SEL1L: variants seen among roughly 807,000 people sequenced by gnomAD.
The protein encoded by SEL1L is SEL1L adaptor subunit of SYVN1 ubiquitin ligase.
A neutral mutation model predicts 109.8 loss-of-function variants in SEL1L; 52 were observed. That is an observed-to-expected ratio of 0.47 (90% CI 0.38 to 0.60). The LOEUF (loss-of-function observed/expected upper bound fraction) is 0.60. Among genes scored for constraint, SEL1L ranks in the 20% least tolerant of loss-of-function variants. The pLI, the probability that SEL1L is intolerant of heterozygous loss-of-function variation, is 0.00. For synonymous variants in SEL1L, 373 were observed against 339.6 expected (o/e 1.10, Z -1.08); for missense variants, 749 against 962.2 (o/e 0.78, Z 2.93).
intron 19 of SEL1L, among the ~76,000 whole-genome samples, chr14:81,482,795 T>G (rs1903399757): frequency 6.6e-6 from 1 of 152,214 alleles, no homozygotes; most frequent in South Asian, 2.1e-4. Context: ...GCAGCAGCAT[T>G]TTGTCAAGAA....
intron 6 of SEL1L, among the ~76,000 whole-genome samples, chr14:81,502,516 A>G (rs939490172): frequency 1.3e-5 from 2 of 152,208 alleles, no homozygotes; most frequent in Admixed American, 6.5e-5. Context: ...GCAAGGCACA[A>G]CTGCAAAAAT....
intron 3 of SEL1L, among the ~76,000 whole-genome samples, chr14:81,522,136 G>T (rs1884930992): frequency 6.6e-6 from 1 of 152,062 alleles, no homozygotes; most frequent in Admixed American, 6.5e-5. Context: ...CTACAAAATA[G>T]TTGAAAAGCT....
chr14:81,481,437 G>A (rs1903352709), intron 19 of SEL1L, among the ~76,000 whole-genome samples: 1 of 152,154 alleles, frequency 6.6e-6, no homozygotes, highest in Non-Finnish European at 1.5e-5. Context: ...CTAACAGTAT[G>A]GTTAGTGTCT....
chr14:81,522,295 A>G (rs1365344860), intron 3 of SEL1L, among the ~76,000 whole-genome samples: 1 of 152,198 alleles, frequency 6.6e-6, no homozygotes, highest in Non-Finnish European at 1.5e-5. Flanking sequence ...CCAGGCCTTC[A>G]CATTCACTCA....
chr14:81,515,481 A>C (rs976186816), intron 3 of SEL1L, among the ~76,000 whole-genome samples: 1 of 152,228 alleles, frequency 6.6e-6, no homozygotes, highest in African/African-American at 2.4e-5. Flanking sequence ...AGAAAGGGAC[A>C]AATTCCCTAC....
At position 81,492,692 on chromosome 14, in the gene SEL1L, T is replaced by A. The variant is rs184096864; in HGVS notation, c.1186-144A>T. The A allele has an allele frequency of 2.6e-3, 1,528 of 577,030 alleles. 14 individuals carry two copies. The highest frequency in any genetic ancestry group is 6.8e-3 in the Middle Eastern group (14 of 2,054). 35.7% of individuals were successfully genotyped at this position (577,030 alleles called of 1,614,324 possible). The stretch of plus-strand genomic sequence containing the variant: ...AACAAGAATACCCAGTTGCCAATAT[T>A]TTGAAAGAGAAATCAGTACATCTAG... On this transcript the variant is annotated intron_variant, in intron 11 of 20. Coordinates refer to ENST00000336735, the MANE Select transcript of SEL1L (RefSeq NM_005065.6).
At chr14:81,505,470 G>A (rs1184316453) in intron 4 of SEL1L, among the ~76,000 whole-genome samples, 1 of 152,116 alleles carries the variant, frequency 6.6e-6, no homozygotes, top group Non-Finnish European at 1.5e-5. Context: ...GACTATATTT[G>A]ATGTGCTCTT....
At chr14:81,496,669 A>C (rs1883764592) in intron 10 of SEL1L, among the ~76,000 whole-genome samples, 1 of 152,210 alleles carries the variant, frequency 6.6e-6, no homozygotes, top group African/African-American at 2.4e-5. Context: ...GAACCCGGGA[A>C]GCGGAGGTTG....
intron 1 of SEL1L, among the ~76,000 whole-genome samples, chr14:81,528,712 T>C (rs1219531154): frequency 6.6e-6 from 1 of 152,192 alleles, no homozygotes. Context: ...ATAAGCTGTA[T>C]GAGAAATTAA....
Position 81,487,881 on chromosome 14 carries a change from T to C in SEL1L, c.1457A>G (p.Gln486Arg). ...ATAGTACATGGAACCAAGCTGTAGC[T>C]GCCCATCCACCCAGCCTTGTTCAGC... ...KAAEQGWVDGQLQLGSMYYNG... is the reference protein window; with the variant it reads ...KAAEQGWVDGRLQLGSMYYNG... Residue 486 changes from glutamine (Q) to arginine (R), a missense_variant, in exon 15 of 21, where the codon CAG (glutamine) becomes CGG (arginine). Physicochemically the swap from Gln to Arg is conservative, Grantham distance 43 (BLOSUM62 1). This residue lies in a region of SEL1L where 383 missense variants were observed against 562.5 expected (regional missense o/e 0.68). Transcript: ENST00000336735. 6.2e-7 allele frequency: 1 copy of C among 1,614,026 alleles called. No homozygotes were observed. The highest frequency in any genetic ancestry group is 8.5e-7 in the Non-Finnish European group (1 of 1,179,942).
Position 81,488,915 on chromosome 14 carries a change from T to C in SEL1L, c.1395+337A>G, listed in dbSNP as rs1324953032. 5 of 284,484 alleles carry C rather than the reference T, an allele frequency of 1.8e-5. No homozygotes were observed. In the South Asian group the frequency reaches 1.8e-4, roughly 10 times the overall value. 17.6% of individuals were successfully genotyped at this position (284,484 alleles called of 1,614,324 possible). On this transcript the variant is annotated intron_variant, in intron 14 of 20. Transcript: ENST00000336735. ...CCTCCTCCTCAATGGAAGGCAGTTA[T>C]GCATTTTGTCAGGATTGAGTAAAAA...
chr14:81,519,042 T>C (rs1884813882), intron 3 of SEL1L, among the ~76,000 whole-genome samples: 1 of 152,196 alleles, frequency 6.6e-6, no homozygotes. Flanking sequence ...ACCCAAACTG[T>C]ACAATGTTGA....
intron 6 of SEL1L, 144 bp from the exon 7 acceptor site, chr14:81,499,806 T>C: frequency 1.9e-6 from 1 of 520,970 alleles, no homozygotes; most frequent in East Asian, 3.2e-5. Flanking sequence ...TGTACAAACA[T>C]GGATTAAAGA....
At position 81,521,713 on chromosome 14, in the gene SEL1L, T is replaced by C. The variant is rs149670870; in HGVS notation, c.340+5020A>G. ...ATTACGTACGGTACATAACACTTGATAGTGATAACAAACAACTATGTTACT... is the reference window on the plus strand; with the variant it reads ...ATTACGTACGGTACATAACACTTGACAGTGATAACAAACAACTATGTTACT... On this transcript the variant is annotated intron_variant, in intron 3 of 20. Transcript: ENST00000336735. 4.1e-3 allele frequency among the ~76,000 whole-genome samples: 628 copies of C among 152,330 alleles called. 4 individuals are homozygous for C. The highest frequency in any genetic ancestry group is 0.014 in the African/African-American group (603 of 41,588).
Position 81,475,031 on chromosome 14 carries a change from G to A in SEL1L, c.*1941C>T, listed in dbSNP as rs929255746. The A allele has an allele frequency of 2.6e-5, 4 of 152,208 alleles. No individual in the cohort carries two copies. The highest frequency in any genetic ancestry group is 9.6e-5 in the African/African-American group (4 of 41,458). The allele number at this position is 152,208 out of a possible 1,614,324, so 9.4% of individuals were successfully genotyped here. ...TGAAAGTTGGTAGTCATCTTGGGTGGTTTTTCAACTTTTAAATAAATTATA... is the reference window on the plus strand; with the variant it reads ...TGAAAGTTGGTAGTCATCTTGGGTGATTTTTCAACTTTTAAATAAATTATA... On this transcript the variant is annotated 3_prime_UTR_variant, in exon 21 of 21. Transcript: ENST00000336735.
intron 10 of SEL1L, among the ~76,000 whole-genome samples, chr14:81,495,356 C>T (rs562916260): frequency 7.4e-4 from 113 of 152,188 alleles, no homozygotes; most frequent in Non-Finnish European, 1.2e-3. Flanking sequence ...GTACCATTTG[C>T]GGCCAGGTGC....
rs535729224 is a variant in SEL1L at position 81,510,956 on chromosome 14, C to T, written c.341-4715G>A. 5.9e-5 allele frequency among the ~76,000 whole-genome samples: 9 copies of T among 152,240 alleles called. No homozygotes were observed. The South Asian group carries it at 1.7e-3, about 28-fold the overall frequency. On this transcript the variant is annotated intron_variant, in intron 3 of 20. Transcript: ENST00000336735. ...AAGGACTATGAACAAAGCACCAGTA[C>T]ATATGGTTTAAAGGAAACAAAGTAC...
At position 81,533,659 on chromosome 14, in the gene SEL1L, G is replaced by T. The variant is rs189898828; in HGVS notation, c.70+16C>A. 3.0e-5 allele frequency: 48 copies of T among 1,610,982 alleles called. No homozygotes were observed. The East Asian group carries it at 1.0e-3, about 34-fold the overall frequency. Reference sequence around the variant, plus strand: ...CGGAGGCTCTGGGCCTTCAGCCCGAGGGGGCGGATACTGACCCGAGGACGC... The same window carrying T: ...CGGAGGCTCTGGGCCTTCAGCCCGATGGGGCGGATACTGACCCGAGGACGC... On this transcript the variant is annotated intron_variant, in intron 1 of 20. Transcript: ENST00000336735.
rs767152488 is a variant in SEL1L at position 81,490,412 on chromosome 14, G to C, written c.1308C>G (p.His436Gln). The C allele has an allele frequency of 6.2e-7, 1 of 1,613,736 alleles. No homozygotes were observed. The highest frequency in any genetic ancestry group is 8.5e-7 in the Non-Finnish European group (1 of 1,179,678). Reference protein sequence around the residue: ...IVPQSNETALHYFKKAADMGN... With the variant: ...IVPQSNETALQYFKKAADMGN... ...CCATGTCAGCAGCTTTCTTAAAGTA[G>C]TGGAGAGCTGTCTCATTACTCTGAG... is the stretch of plus-strand genomic sequence containing the variant. The change falls in exon 13 of 21, where the codon CAC (histidine) becomes CAG (glutamine). Residue 436 changes from histidine (H) to glutamine (Q), a missense_variant. By Grantham distance (24) the His-to-Gln change is conservative. Coordinates refer to ENST00000336735, the MANE Select transcript of SEL1L (RefSeq NM_005065.6).
Sources: gnomAD v4.1 joint callset for allele counts (sites outside exome capture counted in the v4.1 genomes callset) on GRCh38, gnomAD v4.1.1 for gene constraint, gnomAD v4.1.1 regional missense constraint, MANE v1.5 for transcripts, NCBI Gene and HGNC (gene_info 2026-07-23, HGNC 2026-07-21) for gene names.